The following METRN variants were observed in gnomAD, a reference collection of about 807,000 sequenced individuals.
METRN encodes meteorin.
Under a neutral mutation model 17.4 loss-of-function variants are expected in METRN, and 17 were observed. That is an observed-to-expected ratio of 0.98 (90% confidence interval 0.67 to 1.46). The LOEUF is 1.46. Among genes scored for constraint, METRN ranks in the 40% most tolerant of loss-of-function variants. The probability of loss-of-function intolerance (pLI) is 0.00; values close to 1 mark genes in which losing one functional copy is unlikely to be tolerated. For missense variants in METRN, 489 were observed against 456.2 expected, an observed-to-expected ratio of 1.07 and a Z score of -0.65; for synonymous variants, 230 against 210.8, an observed-to-expected ratio of 1.09 and a Z score of -0.79.
Position 715,622 on chromosome 16 carries a change from C to G in METRN, c.143C>G (p.Ala48Gly). 1.4e-6 allele frequency: 2 copies of G among 1,426,696 alleles called. No homozygotes were observed. The highest frequency in any genetic ancestry group is 1.4e-5 in the South Asian group (1 of 69,652). 88.4% of individuals were successfully genotyped at this position (1,426,696 alleles called of 1,614,324 possible). Residue 48 changes from alanine (A) to glycine (G), a missense_variant, in exon 2 of 4, where the codon GCC (alanine) becomes GGC (glycine). By Grantham distance (60) the Ala-to-Gly change is moderately conservative. Coordinates refer to ENST00000568223, the MANE Select transcript of METRN (RefSeq NM_024042.4). ...GAGCCCGGCAGCGTGGGGCAGCTGG[C>G]CCTGGCCTGTGCGGAGGGCGCGGTT... is the stretch of plus-strand genomic sequence containing the variant. ...TQEPGSVGQL[A>G]LACAEGAVEW...
rs1596582694 is a variant in METRN at position 716,634 on chromosome 16, G to C, written c.506-299G>C. 21 of 1,535,406 alleles carry C rather than the reference G, an allele frequency of 1.4e-5. No homozygotes were observed. The East Asian group carries it at 5.1e-4, about 38-fold the overall frequency. ...GATGCTGGGGTGCATATGTCAGATG[G>C]GAGTGCAGGAGGGCGGCCCAGGACA... On this transcript the variant is annotated intron_variant, in intron 2 of 3. Transcript: ENST00000568223.
rs773234050 is a variant in METRN, at chr16:717,093, G to T, written c.588G>T (p.Gly196=). 5 of 1,608,904 alleles carry T rather than the reference G, an allele frequency of 3.1e-6. No homozygotes were observed. Among genetic ancestry groups the T allele is most frequent in the Middle Eastern group, 3.3e-4 (2 of 6,044 alleles). ...SDFVIHGIIH[G]VTHDVELQES... is the part of the protein sequence containing the mutation. ...CAGTAATTCACGGGATCATCCATGGGGTCACCCATGACGTGGAGCTGCAGG... is the reference window on the plus strand; with the variant it reads ...CAGTAATTCACGGGATCATCCATGGTGTCACCCATGACGTGGAGCTGCAGG... Residue 196 remains glycine (G), a synonymous_variant, in exon 4 of 4, where the codon GGG becomes GGT. Transcript: ENST00000568223.
intron 2 of METRN, 56 bp downstream of exon 2, chr16:716,040 G>T: frequency 7.2e-7 from 1 of 1,382,536 alleles, no homozygotes; most frequent in Non-Finnish European, 9.3e-7. Flanking sequence ...ACCCTGCCTG[G>T]GCTTGGCGGG....
Position 717,658 on chromosome 16 carries a change from T to G in METRN, c.*271T>G. The G allele has an allele frequency of 1.1e-5, 4 of 377,036 alleles. No individual in the cohort carries two copies. The highest frequency in any genetic ancestry group is 1.4e-5 in the Non-Finnish European group (3 of 212,744). The allele number at this position is 377,036 out of a possible 1,614,324, so 23.4% of individuals were successfully genotyped here. Reference sequence around the variant, plus strand: ...GATGTCAGGAGGAGCTACACCCACATTCCGGGGAGGGGCCGCTGCTGGGTG... The same window carrying G: ...GATGTCAGGAGGAGCTACACCCACAGTCCGGGGAGGGGCCGCTGCTGGGTG... On this transcript the variant is annotated 3_prime_UTR_variant, in exon 4 of 4. Transcript: ENST00000568223.
chr16:718,202 T>A lies in METRN; in HGVS notation c.*815T>A, dbSNP rs965134867. 2 of 152,260 alleles carry A rather than the reference T, an allele frequency of 1.3e-5. No homozygotes were observed. The highest frequency in any genetic ancestry group is 4.8e-5 in the African/African-American group (2 of 41,458). 9.4% of individuals were successfully genotyped at this position (152,260 alleles called of 1,614,324 possible). On this transcript the variant is annotated 3_prime_UTR_variant, in exon 4 of 4. Coordinates refer to ENST00000568223, the MANE Select transcript of METRN (RefSeq NM_024042.4). ...ACTGTCTCCGCCTTCCTCCTCGGCCTTTCAGCCGCATAAAGGGCCAGTGAG... is the reference window on the plus strand; with the variant it reads ...ACTGTCTCCGCCTTCCTCCTCGGCCATTCAGCCGCATAAAGGGCCAGTGAG...
chr16:716,272 G>A, intron 2 of METRN: 2 of 985,452 alleles, frequency 2.0e-6, no homozygotes, highest in Non-Finnish European at 2.4e-6. Context: ...GGGAAGAGAT[G>A]GTGGGGACAG....
Position 717,525 on chromosome 16 carries a change from T to A in METRN, c.*138T>A. 1.3e-6 allele frequency: 1 copy of A among 770,356 alleles called. No homozygotes were observed. Among genetic ancestry groups the A allele is most frequent in the Non-Finnish European group, 1.8e-6 (1 of 547,366 alleles). 47.7% of individuals were successfully genotyped at this position (770,356 alleles called of 1,614,324 possible). A position where few individuals can be genotyped will look rare whatever the true frequency, so the allele number is the denominator to read the frequency against. On this transcript the variant is annotated 3_prime_UTR_variant, in exon 4 of 4. Coordinates refer to ENST00000568223, the MANE Select transcript of METRN (RefSeq NM_024042.4). ...CCTGTGTCCAGCCCAGCCTTGGGCCTGCCTCGCAGCTGTGAGGATGGCTCC... is the reference window on the plus strand; with the variant it reads ...CCTGTGTCCAGCCCAGCCTTGGGCCAGCCTCGCAGCTGTGAGGATGGCTCC...
chr16:715,215 C>A lies in METRN; in HGVS notation c.-75C>A. The A allele has an allele frequency of 1.3e-6, 1 of 769,294 alleles. No homozygotes were observed. The highest frequency in any genetic ancestry group is 1.6e-6 in the Non-Finnish European group (1 of 627,950). The allele number at this position is 769,294 out of a possible 1,614,324, so 47.7% of individuals were successfully genotyped here. On this transcript the variant is annotated 5_prime_UTR_variant, in exon 1 of 4. Coordinates refer to ENST00000568223, the MANE Select transcript of METRN (RefSeq NM_024042.4). ...CGGCCGGCGCCCCCGGCTGCTCCCG[C>A]CGCCGCCCGGACCCGCGCCCCGCCG...
rs183990352 is a variant in METRN at position 716,123 on chromosome 16, C to T, written c.505+139C>T. The T allele has an allele frequency of 2.0e-5, 27 of 1,338,316 alleles. No homozygotes were observed. The Middle Eastern group carries it at 9.6e-4, about 47-fold the overall frequency. 82.9% of individuals were successfully genotyped at this position (1,338,316 alleles called of 1,614,324 possible). A position where few individuals can be genotyped will look rare whatever the true frequency, so the allele number is the denominator to read the frequency against. On this transcript the variant is annotated intron_variant, in intron 2 of 3. Coordinates refer to ENST00000568223, the MANE Select transcript of METRN (RefSeq NM_024042.4). ...GGTTGGATGGGCTTGTCAGGCCACA[C>T]AGCCTGGGACTGCTGGGGAGGGATG...
intron 2 of METRN, chr16:716,707 G>A (rs1437678148): frequency 2.6e-6 from 4 of 1,535,334 alleles, no homozygotes; most frequent in Admixed American, 3.9e-5. Flanking sequence ...GTGCATTCCT[G>A]CCTTGGAGGT....
In METRN at chr16:717,549, C is replaced by T. The variant is rs1409138019; in HGVS notation, c.*162C>T. 6 of 553,566 alleles carry T rather than the reference C, an allele frequency of 1.1e-5. No homozygotes were observed. Among genetic ancestry groups the T allele is most frequent in the Middle Eastern group, 5.0e-4 (1 of 2,020 alleles). 34.3% of individuals were successfully genotyped at this position (553,566 alleles called of 1,614,324 possible). A position where few individuals can be genotyped will look rare whatever the true frequency, so the allele number is the denominator to read the frequency against. On this transcript the variant is annotated 3_prime_UTR_variant, in exon 4 of 4. Transcript: ENST00000568223. ...CTGCCTCGCAGCTGTGAGGATGGCT[C>T]CAATTCCTGCCTCCTGGCGGGAGAC...
rs947867185 is a variant in METRN, at chr16:715,603, G to A, written c.124G>A (p.Gly42Ser). The A allele has an allele frequency of 2.9e-6, 4 of 1,393,206 alleles. No homozygotes were observed. Among genetic ancestry groups the A allele is most frequent in the African/African-American group, 1.5e-5 (1 of 66,282 alleles). The allele number at this position is 1,393,206 out of a possible 1,614,324, so 86.3% of individuals were successfully genotyped here. A position where few individuals can be genotyped will look rare whatever the true frequency, so the allele number is the denominator to read the frequency against. The stretch of plus-strand genomic sequence containing the variant: ...CCCCAGCGGCCTCACCCAGGAGCCC[G>A]GCAGCGTGGGGCAGCTGGCCCTGGC... Reference protein sequence around the residue: ...WRGSGLTQEPGSVGQLALACA... With the variant: ...WRGSGLTQEPSSVGQLALACA... The change falls in exon 2 of 4, where the codon GGC becomes AGC. Residue 42 changes from glycine to serine, a missense_variant. Transcript: ENST00000568223.
chr16:717,426 T>A lies in METRN; in HGVS notation c.*39T>A, dbSNP rs529804922. On this transcript the variant is annotated 3_prime_UTR_variant, in exon 4 of 4. Coordinates refer to ENST00000568223, the MANE Select transcript of METRN (RefSeq NM_024042.4). ...GGGGAGGGGCTGGTAGGAGGGAGGG[T>A]GGGCCCACTGCTTTGGAGGTGATGG... 1 of 1,127,972 alleles carries A rather than the reference T, an allele frequency of 8.9e-7. No individual in the cohort carries two copies. The highest frequency in any genetic ancestry group is 1.2e-6 in the Non-Finnish European group (1 of 840,770). The allele number at this position is 1,127,972 out of a possible 1,614,324, so 69.9% of individuals were successfully genotyped here. A position where few individuals can be genotyped will look rare whatever the true frequency, so the allele number is the denominator to read the frequency against.
chr16:716,009 G>T, intron 2 of METRN, 25 bp downstream of exon 2: 3 of 1,444,160 alleles, frequency 2.1e-6, no homozygotes, highest in South Asian at 2.7e-5. Flanking sequence ...GGTTGGGACA[G>T]GGTGGGAGTC....
In METRN at chr16:717,568, G is replaced by A. The variant is rs1295819259; in HGVS notation, c.*181G>A. ...ATGGCTCCAATTCCTGCCTCCTGGC[G>A]GGAGACTGAGGCTCAGGGGAATGGT... is the stretch of plus-strand genomic sequence containing the variant. On this transcript the variant is annotated 3_prime_UTR_variant, in exon 4 of 4. Transcript: ENST00000568223. 1.4e-5 allele frequency: 7 copies of A among 489,720 alleles called. No individual in the cohort carries two copies. The highest frequency in any genetic ancestry group is 5.5e-5 in the South Asian group (1 of 18,346). 30.3% of individuals were successfully genotyped at this position (489,720 alleles called of 1,614,324 possible). A position where few individuals can be genotyped will look rare whatever the true frequency, so the allele number is the denominator to read the frequency against.
Position 715,743 on chromosome 16 carries a change from C to T in METRN, c.264C>T (p.Pro88=). The change falls in exon 2 of 4, where the codon CCC becomes CCT. Residue 88 remains proline, a synonymous_variant. Coordinates refer to ENST00000568223, the MANE Select transcript of METRN (RefSeq NM_024042.4). ...TCGCCTGTCTGCGGCCGGTGCGGCC[C>T]TTCGCGGGCGCCCAGGTCTTCGCGG... ...PGIACLRPVR[P]FAGAQVFAER... is the part of the protein sequence containing the mutation. The T allele has an allele frequency of 7.7e-7, 1 of 1,296,194 alleles. No individual in the cohort carries two copies. The highest frequency in any genetic ancestry group is 9.7e-7 in the Non-Finnish European group (1 of 1,026,634). 80.3% of individuals were successfully genotyped at this position (1,296,194 alleles called of 1,614,324 possible). A position where few individuals can be genotyped will look rare whatever the true frequency, so the allele number is the denominator to read the frequency against.
At chr16:716,151 C>T (rs2040160206) in intron 2 of METRN, 167 bp downstream of exon 2, 1 of 985,450 alleles carries the variant, frequency 1.0e-6, no homozygotes, top group Non-Finnish European at 1.2e-6. Context: ...GAGGGATGGC[C>T]TCCCCGCCCT....
rs779123557 is a variant in METRN at position 716,976 on chromosome 16, A to G, written c.549A>G (p.Ala183=). The G allele has an allele frequency of 8.1e-6, 13 of 1,602,936 alleles. No homozygotes were observed. Among genetic ancestry groups the G allele is most frequent in the African/African-American group, 6.7e-5 (5 of 74,762 alleles). The change falls in exon 3 of 4, where the codon GCA becomes GCG. Residue 183 remains alanine (A), a synonymous_variant. Coordinates refer to ENST00000568223, the MANE Select transcript of METRN (RefSeq NM_024042.4). ...PCSDAELLLA[A]CTSDFVIHGI... ...GCGACGCTGAGCTGCTCCTGGCCGC[A>G]TGCACCAGCGACTTCGGTGAGTGTC...
rs1335145532 is a variant in METRN, at chr16:715,808, GC to G, written c.332del (p.Pro111ArgfsTer57). On this transcript the variant is annotated frameshift_variant, in exon 2 of 4. Coordinates refer to ENST00000568223, the MANE Select transcript of METRN (RefSeq NM_024042.4). LOFTEE classifies it high-confidence loss of function. ...GGALELLLAE[G>X]PGPAGGRCVR... The stretch of plus-strand genomic sequence containing the variant: ...GCCCTGGAGCTGCTGCTGGCCGAGG[GC>G]CCGGGCCCGGCAGGGGGCCGCTGCG... 3.2e-6 allele frequency: 4 copies of G among 1,263,026 alleles called. No individual in the cohort carries two copies. In the East Asian group the frequency reaches 1.3e-4, roughly 41 times the overall value. 78.2% of individuals were successfully genotyped at this position (1,263,026 alleles called of 1,614,324 possible).
Sources: gnomAD v4.1 joint callset for allele counts on GRCh38, gnomAD v4.1.1 for gene constraint, MANE v1.5 for transcripts, NCBI Gene and HGNC (gene_info 2026-07-23, HGNC 2026-07-21) for gene names.